FOXK2: variants seen among roughly 807,000 people sequenced by gnomAD.
The protein encoded by FOXK2 is forkhead box K2, also known as forkhead box protein K2.
A neutral mutation model predicts 53.3 loss-of-function variants in FOXK2; 24 were observed. The ratio of observed to expected loss-of-function variants is 0.45; its 90% confidence interval spans 0.33 to 0.63. FOXK2 has a LOEUF of 0.63. Ranked by LOEUF, FOXK2 falls within the 30% of genes least tolerant of loss-of-function variation. The pLI, the probability that FOXK2 is intolerant of heterozygous loss-of-function variation, is 0.03. For synonymous variants in FOXK2, 505 were observed against 407.1 expected, an observed-to-expected ratio of 1.24 and a Z score of -2.89; for missense variants, 952 against 910.5, an observed-to-expected ratio of 1.05 and a Z score of -0.59.
At chr17:82,543,085 C>A (rs2044589447) in intron 1 of FOXK2, among the ~76,000 whole-genome samples, 1 of 152,162 alleles carries the variant, frequency 6.6e-6, no homozygotes, top group Admixed American at 6.5e-5. Flanking sequence ...AGTGCTGTTG[C>A]CAGAGTGGCC....
chr17:82,597,515 G>C (rs972116630), intron 8 of FOXK2, among the ~76,000 whole-genome samples: 1 of 152,232 alleles, frequency 6.6e-6, no homozygotes, highest in African/African-American at 2.4e-5. Context: ...TCTGCTTCAG[G>C]GCCGGGCGTG....
intron 7 of FOXK2, 108 bp from the exon 8 acceptor site, chr17:82,586,955 A>T: frequency 1.0e-6 from 1 of 1,002,372 alleles, no homozygotes; most frequent in Non-Finnish European, 1.5e-6. Context: ...TGTTTTAGAG[A>T]CATTTTCTAG....
intron 8 of FOXK2, 77 bp downstream of exon 8, chr17:82,587,349 T>C (rs1303391109): frequency 6.1e-6 from 7 of 1,150,718 alleles, no homozygotes; most frequent in Non-Finnish European, 7.8e-6. Flanking sequence ...TGGTTTCGGT[T>C]CTGACTGTAA....
chr17:82,525,468 T>C (rs1208999970), intron 1 of FOXK2, among the ~76,000 whole-genome samples: 4 of 152,240 alleles, frequency 2.6e-5, no homozygotes, highest in South Asian at 2.1e-4. Context: ...CGTGAGCTAC[T>C]GCGCCCGGTC....
chr17:82,579,632 G>T, intron 4 of FOXK2, among the ~76,000 whole-genome samples: 2 of 58,754 alleles, frequency 3.4e-5, no homozygotes. Context: ...CATCCACAGG[G>T]CCCAGATCCC....
Position 82,563,437 on chromosome 17 carries a change from C to G in FOXK2, c.503C>G (p.Ser168Cys), listed in dbSNP as rs1254715426. The change falls in exon 2 of 9, where the codon TCT (serine) becomes TGT (cysteine). Residue 168 changes from serine to cysteine, a missense_variant. Physicochemically the swap from Ser to Cys is moderately radical, Grantham distance 112. Coordinates refer to ENST00000335255, the MANE Select transcript of FOXK2 (RefSeq NM_004514.4). ...GAGAAGAGAGAGAAGCAGGAGGCGT[C>G]TGAGTCTCCAGTGAAGGCCGTACAG... ...SSEKREKQEA[S>C]ESPVKAVQPH... is the part of the protein sequence containing the mutation. The G allele has an allele frequency of 6.2e-7, 1 of 1,614,202 alleles. No homozygotes were observed. The highest frequency in any genetic ancestry group is 8.5e-7 in the Non-Finnish European group (1 of 1,180,040).
chr17:82,554,562 G>A (rs558661747), intron 1 of FOXK2, among the ~76,000 whole-genome samples: 89 of 152,222 alleles, frequency 5.8e-4, no homozygotes, highest in Non-Finnish European at 1.1e-3. Flanking sequence ...CCTCTGAACA[G>A]GTTTGAAACT....
intron 4 of FOXK2, among the ~76,000 whole-genome samples, chr17:82,582,168 A>C (rs1180664275): frequency 6.6e-6 from 1 of 152,214 alleles, no homozygotes; most frequent in Non-Finnish European, 1.5e-5. Flanking sequence ...TTTGTCTCCA[A>C]GCAGGGAGAG....
rs755549105 is a variant in FOXK2 at position 82,585,894 on chromosome 17, C to A, written c.1280-10C>A. The A allele has an allele frequency of 3.1e-6, 5 of 1,603,060 alleles. No homozygotes were observed. Among genetic ancestry groups the A allele is most frequent in the South Asian group, 2.2e-5 (2 of 90,694 alleles). On this transcript the variant is annotated splice_polypyrimidine_tract_variant and intron_variant, in intron 6 of 8. Transcript: ENST00000335255. ...TCTGTAAGTGTCAGTCCTGCTGTGT[C>A]TTTCACCAGGGTCACCTCTGTCCAG...
At chr17:82,568,376 T>C (rs544510938) in intron 3 of FOXK2, among the ~76,000 whole-genome samples, 175 bp downstream of exon 3, 1 of 152,372 alleles carries the variant, frequency 6.6e-6, no homozygotes, top group South Asian at 2.1e-4. Flanking sequence ...TGGGGCTTTT[T>C]GCAAGTGTAC....
chr17:82,540,088 C>T (rs2044560005), intron 1 of FOXK2, among the ~76,000 whole-genome samples: 1 of 152,178 alleles, frequency 6.6e-6, no homozygotes, highest in African/African-American at 2.4e-5. Flanking sequence ...CAAGACCAGC[C>T]TGGCCAATAT....
chr17:82,525,880 C>T (rs9894466), intron 1 of FOXK2, among the ~76,000 whole-genome samples: 1 of 100,988 alleles, frequency 9.9e-6, no homozygotes, highest in East Asian at 3.2e-4. Flanking sequence ...CTTACGTGGC[C>T]TGAATCCCAC....
chr17:82,547,609 CTTA>C (rs369554709), intron 1 of FOXK2, among the ~76,000 whole-genome samples: 1 of 152,180 alleles, frequency 6.6e-6, no homozygotes, highest in African/African-American at 2.4e-5. Context: ...TTGTTGCCAG[CTTA>C]TTTTTACTTT....
intron 1 of FOXK2, among the ~76,000 whole-genome samples, chr17:82,561,465 G>A (rs189713602): frequency 2.4e-4 from 37 of 152,244 alleles, no homozygotes; most frequent in Non-Finnish European, 5.9e-5. Flanking sequence ...CTTGAACATC[G>A]GGCGGTAAAG....
At chr17:82,574,293 C>A (rs1295403468) in intron 4 of FOXK2, among the ~76,000 whole-genome samples, 1 of 151,938 alleles carries the variant, frequency 6.6e-6, no homozygotes, top group Non-Finnish European at 1.5e-5. Context: ...CTCCAGATTC[C>A]TCCTAGTTCA....
At chr17:82,522,805 T>C (rs1343585712) in intron 1 of FOXK2, among the ~76,000 whole-genome samples, 1 of 152,134 alleles carries the variant, frequency 6.6e-6, no homozygotes, top group Non-Finnish European at 1.5e-5. Flanking sequence ...ATTCAGACCT[T>C]ATTTTTTTGA....
chr17:82,580,124 C>T (rs1489682468), intron 4 of FOXK2, among the ~76,000 whole-genome samples: 1 of 132,282 alleles, frequency 7.6e-6, no homozygotes, highest in Non-Finnish European at 1.6e-5. Flanking sequence ...CCACAGGGCC[C>T]AGATCCCTCC....
chr17:82,550,628 G>C lies in FOXK2; in HGVS notation c.420-12726G>C, dbSNP rs549570506. On this transcript the variant is annotated intron_variant, in intron 1 of 8. Transcript: ENST00000335255. ...CGCCATTCTCCTGCCTCAGCCTCCC[G>C]AGTAGCTGGGACTACAGGCGCCCGC... Among the ~76,000 whole-genome samples, 804 of 149,300 alleles carry C rather than the reference G, an allele frequency of 5.4e-3. 2 individuals carry two copies. Among genetic ancestry groups the C allele is most frequent in the Middle Eastern group, 0.025 (7 of 278 alleles).
At position 82,542,535 on chromosome 17, in the gene FOXK2, T is replaced by TGGTGAGCCC. The variant is rs1371437283; in HGVS notation, c.420-20819_420-20818insGGTGAGCCC. On this transcript the variant is annotated intron_variant, in intron 1 of 8. Transcript: ENST00000335255. ...GTCCTGCTCAGGTTGGTGTAGTTAG[T>TGGTGAGCCC]ACTCCTGGGCTCAAGCAATCTTCCT... is the stretch of plus-strand genomic sequence containing the variant. Among the ~76,000 whole-genome samples the TGGTGAGCCC allele has an allele frequency of 4.9e-4, 75 of 152,172 alleles. 1 individual carries two copies. The highest frequency in any genetic ancestry group is 1.8e-3 in the African/African-American group (74 of 41,512).
Sources: gnomAD v4.1 joint callset for allele counts (sites outside exome capture counted in the v4.1 genomes callset) on GRCh38, gnomAD v4.1.1 for gene constraint, MANE v1.5 for transcripts, NCBI Gene and HGNC (gene_info 2026-07-23, HGNC 2026-07-21) for gene names.